CLCN6: variants seen among roughly 807,000 people sequenced by gnomAD.
CLCN6 encodes Cl-/H+ antiporter 6, also known as H(+)/Cl(-) exchange transporter 6.
Under a neutral mutation model 109.8 loss-of-function variants are expected in CLCN6, and 70 were observed. That is an observed-to-expected ratio of 0.64 (90% CI 0.53 to 0.78). CLCN6 has a LOEUF of 0.78. CLCN6 is among the 30% of genes least tolerant of loss of function. CLCN6 has a pLI of 0.00. For missense variants in CLCN6, 984 were observed against 1,142.3 expected (o/e 0.86, Z 2.00); for synonymous variants, 444 against 447.8 (o/e 0.99, Z 0.11).
chr1:11,828,301 C>T (rs960647131), intron 11 of CLCN6, 82 bp downstream of exon 11: 2 of 1,447,102 alleles, frequency 1.4e-6, no homozygotes, highest in African/African-American at 2.8e-5. Flanking sequence ...GAGAAATGAG[C>T]AGAGGGCTAG....
Position 11,841,768 on chromosome 1 carries a change from G to A in CLCN6, c.*1545G>A, listed in dbSNP as rs1645027090. ...AGATCTTGCGCTCAGCACACTCTAG[G>A]GAATAATTCCACTCCAGAGATGGGG... On this transcript the variant is annotated 3_prime_UTR_variant, in exon 23 of 23. Coordinates refer to ENST00000346436, the MANE Select transcript of CLCN6 (RefSeq NM_001286.5). The A allele has an allele frequency of 6.6e-6, 1 of 152,148 alleles. No individual in the cohort carries two copies. The highest frequency in any genetic ancestry group is 2.4e-5 in the African/African-American group (1 of 41,442). 9.4% of individuals were successfully genotyped at this position (152,148 alleles called of 1,614,324 possible).
At chr1:11,838,193 C>G in intron 20 of CLCN6, 142 bp from the exon 21 acceptor site, 1 of 750,096 alleles carries the variant, frequency 1.3e-6, no homozygotes, top group Non-Finnish European at 2.2e-6. Flanking sequence ...AGAGCTCTCA[C>G]TCTGGAGCGC....
At chr1:11,813,957 A>G (rs1644636236) in intron 2 of CLCN6, among the ~76,000 whole-genome samples, 2 of 152,148 alleles carry the variant, frequency 1.3e-5, no homozygotes, top group African/African-American at 4.8e-5. Context: ...TATAGACTTA[A>G]CTATAATCAT....
At position 11,837,073 on chromosome 1, in the gene CLCN6, G is replaced by A. The variant is rs137976806; in HGVS notation, c.2055G>A (p.Glu685=). ...CCATGAAGTCCTACCCATCCAGCGA[G>A]CTACGGAACATGTGTGATGAGCACA... ...SQSMKSYPSS[E]LRNMCDEHIA... The change falls in exon 19 of 23, where the codon GAG becomes GAA. Residue 685 remains glutamate (E), a synonymous_variant. Coordinates refer to ENST00000346436, the MANE Select transcript of CLCN6 (RefSeq NM_001286.5). 5.6e-6 allele frequency: 9 copies of A among 1,613,390 alleles called. No individual in the cohort carries two copies. Among genetic ancestry groups the A allele is most frequent in the African/African-American group, 1.3e-5 (1 of 74,950 alleles).
chr1:11,816,224 A>G (rs1261890951), intron 3 of CLCN6, among the ~76,000 whole-genome samples: 2 of 152,228 alleles, frequency 1.3e-5, no homozygotes, highest in African/African-American at 2.4e-5. Context: ...GCATAATGCT[A>G]TTACACACTT....
intron 2 of CLCN6, among the ~76,000 whole-genome samples, chr1:11,812,952 T>C (rs1264042739): frequency 6.6e-6 from 1 of 152,114 alleles, no homozygotes; most frequent in Non-Finnish European, 1.5e-5. Context: ...CCAAACAACA[T>C]ACCTAGAGCC....
At chr1:11,827,354 G>A (rs923348393) in intron 10 of CLCN6, 133 bp downstream of exon 10, 142 of 873,114 alleles carry the variant, frequency 1.6e-4, no homozygotes, top group Non-Finnish European at 2.3e-4. Context: ...TTCCTCTTGT[G>A]CCCATAACCT....
At chr1:11,826,622 G>A (rs556882836) in intron 9 of CLCN6, among the ~76,000 whole-genome samples, 21 of 152,270 alleles carry the variant, frequency 1.4e-4, no homozygotes, top group East Asian at 7.7e-4. Context: ...TGCCGGCCTC[G>A]TAAGGCTCTT....
chr1:11,831,988 G>A (rs1644889377), intron 13 of CLCN6, among the ~76,000 whole-genome samples: 1 of 152,234 alleles, frequency 6.6e-6, no homozygotes, highest in Admixed American at 6.5e-5. Context: ...CTTTAGTACA[G>A]AACTTCTAGG....
intron 4 of CLCN6, among the ~76,000 whole-genome samples, chr1:11,818,702 C>T (rs74053321): frequency 0.027 from 4,047 of 152,270 alleles, 169 homozygotes; most frequent in African/African-American, 0.091. Context: ...CTCCTTTAAG[C>T]CCTGAGCACT....
chr1:11,836,021 C>A lies in CLCN6; in HGVS notation c.1848C>A (p.Thr616=), dbSNP rs767273303. Residue 616 remains threonine (T), a synonymous_variant, in exon 18 of 23, where the codon ACC becomes ACA. Coordinates refer to ENST00000346436, the MANE Select transcript of CLCN6 (RefSeq NM_001286.5). ...ACCTGACCTACGTCTACCCGCACACCCGCATCCAGTCTCTGGTGAGCATCC... is the reference window on the plus strand; with the variant it reads ...ACCTGACCTACGTCTACCCGCACACACGCATCCAGTCTCTGGTGAGCATCC... ...EPNLTYVYPH[T]RIQSLVSILR... 6.2e-7 allele frequency: 1 copy of A among 1,614,024 alleles called. No individual in the cohort carries two copies. Among genetic ancestry groups the A allele is most frequent in the South Asian group, 1.1e-5 (1 of 91,054 alleles).
At chr1:11,836,363 A>G (rs957587104) in intron 18 of CLCN6, among the ~76,000 whole-genome samples, 1 of 152,196 alleles carries the variant, frequency 6.6e-6, no homozygotes, top group African/African-American at 2.4e-5. Flanking sequence ...TCTTGCCGCA[A>G]TGAGCATGTG....
chr1:11,838,540 C>T lies in CLCN6; in HGVS notation c.2409C>T (p.Val803=), dbSNP rs764775992. The T allele has an allele frequency of 3.7e-6, 6 of 1,607,676 alleles. No homozygotes were observed. The Admixed American group carries it at 1.0e-4, about 27-fold the overall frequency. ...TLLNPRMIVD[V]TPYMNPSPFT... ...GACACGTGGTCTCTTTGCAGGATGT[C>T]ACCCCATACATGAACCCTTCGCCTT... Residue 803 remains valine (V), a synonymous_variant, in exon 22 of 23, where the codon GTC becomes GTT. Coordinates refer to ENST00000346436, the MANE Select transcript of CLCN6 (RefSeq NM_001286.5).
chr1:11,812,664 T>TGTGTGTGTGTG (rs1644615747), intron 2 of CLCN6, among the ~76,000 whole-genome samples: 6 of 127,020 alleles, frequency 4.7e-5, no homozygotes, highest in African/African-American at 1.9e-4. Flanking sequence ...CAAAGTATGT[T>TGTGTGTGTGTG]TGTGTGTGTG....
intron 1 of CLCN6, chr1:11,806,610 C>T (rs922921056): frequency 1.1e-5 from 5 of 455,652 alleles, no homozygotes; most frequent in East Asian, 1.1e-4. Context: ...TTATTTCCAT[C>T]TGAAAAGAGT....
intron 20 of CLCN6, among the ~76,000 whole-genome samples, chr1:11,837,891 G>A (rs560398641): frequency 9.2e-5 from 14 of 152,198 alleles, no homozygotes; most frequent in Admixed American, 2.0e-4. Flanking sequence ...GCTTGTCACC[G>A]GATTTGGGGC....
intron 22 of CLCN6, chr1:11,838,935 C>T: frequency 1.4e-6 from 1 of 716,822 alleles, no homozygotes; most frequent in East Asian, 2.7e-5. Context: ...TTGCTCTTCA[C>T]TCCGTACCAC....
Position 11,826,161 on chromosome 1 carries a change from G to A in CLCN6, c.654G>A (p.Gln218=), listed in dbSNP as rs139453390. ...SVVGAGLPQF[Q]SISLRKIQFN... Reference sequence around the variant, plus strand: ...TCTCTTTTCTCTTGCTTTAGTTTCAGAGCATCTCCTTACGGAAGATCCAGT... The same window carrying A: ...TCTCTTTTCTCTTGCTTTAGTTTCAAAGCATCTCCTTACGGAAGATCCAGT... Residue 218 remains glutamine (Q), a synonymous_variant, in exon 9 of 23, where the codon CAG becomes CAA. Transcript: ENST00000346436. The A allele has an allele frequency of 6.2e-7, 1 of 1,612,928 alleles. No individual in the cohort carries two copies. The highest frequency in any genetic ancestry group is 8.5e-7 in the Non-Finnish European group (1 of 1,179,318).
In CLCN6 at chr1:11,838,439, C is replaced by G; in HGVS notation, c.2400C>G (p.Ile800Met). 1 of 1,614,120 alleles carries G rather than the reference C, an allele frequency of 6.2e-7. No homozygotes were observed. Among genetic ancestry groups the G allele is most frequent in the Non-Finnish European group, 8.5e-7 (1 of 1,180,020 alleles). Reference protein sequence around the residue: ...LDLTLLNPRMIVDVTPYMNPS... With the variant: ...LDLTLLNPRMMVDVTPYMNPS... ...TGACGCTGCTCAACCCGCGCATGAT[C>G]GTGGTGAGAAGGGCTGCCCCGGCCT... The change falls in exon 21 of 23, where the codon ATC becomes ATG. Residue 800 changes from isoleucine (I) to methionine (M), a missense_variant. Coordinates refer to ENST00000346436, the MANE Select transcript of CLCN6 (RefSeq NM_001286.5).
Sources: allele counts gnomAD v4.1 joint callset (sites outside exome capture counted in the v4.1 genomes callset), GRCh38; gene constraint gnomAD v4.1.1; transcripts MANE v1.5; gene names NCBI Gene and HGNC (gene_info 2026-07-23, HGNC 2026-07-21).